Variants in TMEM63C observed in about 807,000 individuals in gnomAD.
TMEM63C encodes the protein osmosensitive cation channel TMEM63C.
TMEM63C carries 32 observed loss-of-function variants against 99.2 expected under a neutral mutation model. That is an observed-to-expected ratio of 0.32 (90% CI 0.24 to 0.43). The LOEUF (loss-of-function observed/expected upper bound fraction) is 0.43. Among genes scored for constraint, TMEM63C ranks in the 20% least tolerant of loss-of-function variants. The probability of loss-of-function intolerance (pLI) is 1.00; values close to 1 mark genes in which losing one functional copy is unlikely to be tolerated. For synonymous variants in TMEM63C, 376 were observed against 397.9 expected (o/e 0.94, Z 0.66); for missense variants, 826 against 1,053.0 (o/e 0.78, Z 2.98).
chr14:77,219,091 G>A, intron 3 of TMEM63C, 128 bp downstream of exon 3: 4 of 1,152,278 alleles, frequency 3.5e-6, no homozygotes, highest in East Asian at 2.7e-5. Context: ...CTGCCTGAAT[G>A]TCAGTCCTGC....
At chr14:77,194,110 C>CA (rs1256722882) in intron 1 of TMEM63C, among the ~76,000 whole-genome samples, 1 of 152,064 alleles carries the variant, frequency 6.6e-6, no homozygotes, top group Non-Finnish European at 1.5e-5. Flanking sequence ...GCTTGTGCAG[C>CA]AAAAAATGTA....
At chr14:77,218,656 G>A (rs1251631149) in intron 2 of TMEM63C, 145 bp from the exon 3 acceptor site, 48 of 684,116 alleles carry the variant, frequency 7.0e-5, no homozygotes, top group Non-Finnish European at 9.9e-5. Flanking sequence ...GCCGTCTCGT[G>A]GGCTGGCCCT....
chr14:77,193,904 G>T (rs1429820195), intron 1 of TMEM63C, among the ~76,000 whole-genome samples: 1 of 152,134 alleles, frequency 6.6e-6, no homozygotes, highest in East Asian at 1.9e-4. Flanking sequence ...AGAGATGGAG[G>T]TGGAAAGATC....
chr14:77,233,286 T>C (rs1263227545), intron 7 of TMEM63C, among the ~76,000 whole-genome samples, 166 bp from the exon 8 acceptor site: 1 of 152,098 alleles, frequency 6.6e-6, no homozygotes, highest in African/African-American at 2.4e-5. Context: ...AAGAGGCCTC[T>C]GATGTCTTTG....
chr14:77,230,191 G>C (rs920472352), intron 6 of TMEM63C, among the ~76,000 whole-genome samples: 39 of 146,870 alleles, frequency 2.7e-4, no homozygotes, highest in Non-Finnish European at 4.4e-4. Context: ...AACAGAGCAA[G>C]ACTCTGTCTC....
At chr14:77,240,342 C>T (rs1889145513) in intron 12 of TMEM63C, 133 bp from the exon 13 acceptor site, 6 of 1,055,440 alleles carry the variant, frequency 5.7e-6, no homozygotes, top group Non-Finnish European at 7.9e-6. Context: ...TGGAGGCCAG[C>T]CAGGGTCCTG....
At chr14:77,214,514 G>A (rs920206969) in intron 2 of TMEM63C, among the ~76,000 whole-genome samples, 4 of 151,940 alleles carry the variant, frequency 2.6e-5, no homozygotes, top group African/African-American at 9.7e-5. Context: ...GGATGGAGAC[G>A]TGTCTTTCTT....
intron 1 of TMEM63C, among the ~76,000 whole-genome samples, chr14:77,186,801 C>CTGTGTCTGTGTGTG (rs1888005363): frequency 6.8e-6 from 1 of 146,372 alleles, no homozygotes; most frequent in Non-Finnish European, 1.5e-5. Flanking sequence ...GTGTGTGTGT[C>CTGTGTCTGTGTGTG]TGTGTGTGTG....
chr14:77,223,640 T>G (rs185144779), intron 5 of TMEM63C, among the ~76,000 whole-genome samples: 379 of 152,100 alleles, frequency 2.5e-3, no homozygotes, highest in African/African-American at 8.5e-3. Flanking sequence ...AGGGAGTGTG[T>G]GTGTGTGTAT....
At chr14:77,209,563 G>A (rs543804321) in intron 1 of TMEM63C, among the ~76,000 whole-genome samples, 11 of 152,292 alleles carry the variant, frequency 7.2e-5, no homozygotes, top group South Asian at 2.1e-4. Flanking sequence ...GGCTGCTCAC[G>A]TGCATGGGAA....
intron 1 of TMEM63C, among the ~76,000 whole-genome samples, chr14:77,188,351 G>A (rs1888038980): frequency 6.6e-6 from 1 of 152,196 alleles, no homozygotes; most frequent in African/African-American, 2.4e-5. Context: ...GGTAAACAAG[G>A]AAATGGCTTA....
chr14:77,231,955 C>CA (rs988433967), intron 7 of TMEM63C, among the ~76,000 whole-genome samples: 16 of 152,348 alleles, frequency 1.1e-4, no homozygotes, highest in Middle Eastern at 6.8e-3. Flanking sequence ...ACACAGCAGG[C>CA]ACATAGTATT....
chr14:77,246,076 T>C, intron 17 of TMEM63C, 50 bp downstream of exon 17: 1 of 1,409,140 alleles, frequency 7.1e-7, no homozygotes, highest in Non-Finnish European at 1.0e-6. Context: ...TCTCTTAGAG[T>C]TAAGACCTCC....
intron 1 of TMEM63C, among the ~76,000 whole-genome samples, chr14:77,200,651 A>C (rs77090507): frequency 6.6e-6 from 1 of 152,156 alleles, no homozygotes; most frequent in Admixed American, 6.5e-5. Context: ...GCTGCCCCTG[A>C]GGGGTGGTGC....
intron 1 of TMEM63C, among the ~76,000 whole-genome samples, chr14:77,203,437 C>T (rs1482961854): frequency 6.6e-6 from 1 of 151,810 alleles, no homozygotes; most frequent in East Asian, 1.9e-4. Context: ...AAGTCTTCCT[C>T]GCCACCTAGT....
At chr14:77,217,371 C>G (rs1309158933) in intron 2 of TMEM63C, among the ~76,000 whole-genome samples, 1 of 152,206 alleles carries the variant, frequency 6.6e-6, no homozygotes, top group African/African-American at 2.4e-5. Context: ...CCTAATCACC[C>G]CTTTACAATT....
chr14:77,203,661 G>A (rs1483587949), intron 1 of TMEM63C, among the ~76,000 whole-genome samples: 3 of 152,264 alleles, frequency 2.0e-5, no homozygotes, highest in Non-Finnish European at 2.9e-5. Context: ...ATATGTAATG[G>A]ATCCCTGCCT....
At chr14:77,234,214 G>A (rs939754989) in intron 8 of TMEM63C, among the ~76,000 whole-genome samples, 3 of 152,202 alleles carry the variant, frequency 2.0e-5, no homozygotes, top group African/African-American at 7.2e-5. Flanking sequence ...CAGCAAGTGT[G>A]AGTGGGGTTC....
At chr14:77,198,104 G>A (rs1298607229) in intron 1 of TMEM63C, among the ~76,000 whole-genome samples, 1 of 152,238 alleles carries the variant, frequency 6.6e-6, no homozygotes. Context: ...CTTGGCCATT[G>A]CCCAGACAGG....
Sources: allele counts gnomAD v4.1 joint callset (sites outside exome capture counted in the v4.1 genomes callset), GRCh38; gene constraint gnomAD v4.1.1; transcripts MANE v1.5; gene names NCBI Gene and HGNC (gene_info 2026-07-23, HGNC 2026-07-21).